LRRK1: variants seen among roughly 807,000 people sequenced by gnomAD.
The protein encoded by LRRK1 is leucine rich repeat kinase 1.
Under a neutral mutation model 209.1 loss-of-function variants are expected in LRRK1, and 113 were observed. The ratio of observed to expected loss-of-function variants is 0.54; its 90% confidence interval spans 0.46 to 0.63. The LOEUF is 0.63. Ranked by LOEUF, LRRK1 falls within the 30% of genes least tolerant of loss-of-function variation. The probability of loss-of-function intolerance (pLI) is 0.00; values close to 1 mark genes in which losing one functional copy is unlikely to be tolerated. For missense variants in LRRK1, 2,284 were observed against 2,632.2 expected, an observed-to-expected ratio of 0.87 and a Z score of 2.89; for synonymous variants, 1,144 against 1,099.7, an observed-to-expected ratio of 1.04 and a Z score of -0.80.
intron 2 of LRRK1, among the ~76,000 whole-genome samples, chr15:100,970,883 C>T (rs2141648833): frequency 6.6e-6 from 1 of 152,222 alleles, no homozygotes; most frequent in Non-Finnish European, 1.5e-5. Flanking sequence ...TTTCAGCGTA[C>T]AGATCTTGCC....
At chr15:100,940,217 C>G (rs2042375483) in intron 2 of LRRK1, among the ~76,000 whole-genome samples, 1 of 152,170 alleles carries the variant, frequency 6.6e-6, no homozygotes, top group Non-Finnish European at 1.5e-5. Context: ...CTCTCTCTCT[C>G]TCTCATTTTG....
intron 4 of LRRK1, among the ~76,000 whole-genome samples, chr15:100,984,936 G>A (rs1375077112): frequency 2.0e-5 from 3 of 152,100 alleles, no homozygotes; most frequent in African/African-American, 4.8e-5. Flanking sequence ...GTCACCCAGG[G>A]CCCTGCACCT....
chr15:101,059,430 G>C (rs150106699), intron 29 of LRRK1, among the ~76,000 whole-genome samples: 2 of 152,206 alleles, frequency 1.3e-5, no homozygotes, highest in East Asian at 1.9e-4. Flanking sequence ...AAAACACAGC[G>C]ATGGAGCACG....
intron 11 of LRRK1, among the ~76,000 whole-genome samples, chr15:101,014,876 C>T (rs2033454313): frequency 6.6e-6 from 1 of 152,230 alleles, no homozygotes; most frequent in Non-Finnish European, 1.5e-5. Context: ...GAAACAGCCC[C>T]TAATGGTGTC....
chr15:100,973,343 C>T (rs1294432808), intron 2 of LRRK1, among the ~76,000 whole-genome samples: 1 of 152,230 alleles, frequency 6.6e-6, no homozygotes, highest in Non-Finnish European at 1.5e-5. Context: ...ATCCCACGCC[C>T]TTCGTGGGGT....
At chr15:100,957,291 A>G (rs8037913) in intron 2 of LRRK1, among the ~76,000 whole-genome samples, 79,696 of 152,124 alleles carry the variant, frequency 0.52, 21,511 homozygotes, top group South Asian at 0.62. Flanking sequence ...ATTGTTCTGC[A>G]TATGTCTGTT....
At chr15:100,998,285 G>A (rs1015776398) in intron 6 of LRRK1, among the ~76,000 whole-genome samples, 2 of 151,420 alleles carry the variant, frequency 1.3e-5, no homozygotes, top group South Asian at 2.1e-4. Context: ...AGGAAAAAGC[G>A]AGCCTGCCTC....
At chr15:100,949,536 G>GT (rs1299384347) in intron 2 of LRRK1, among the ~76,000 whole-genome samples, 2 of 152,100 alleles carry the variant, frequency 1.3e-5, no homozygotes, top group African/African-American at 2.4e-5. Flanking sequence ...TATGAAACCA[G>GT]TATTACCCTG....
At chr15:101,010,109 A>G (rs1056619395) in intron 7 of LRRK1, among the ~76,000 whole-genome samples, 2 of 152,230 alleles carry the variant, frequency 1.3e-5, no homozygotes, top group Admixed American at 1.3e-4. Context: ...CACCTGGGCC[A>G]GATGGACAGG....
intron 2 of LRRK1, among the ~76,000 whole-genome samples, chr15:100,937,530 A>G (rs2042322845): frequency 1.5e-5 from 2 of 130,330 alleles, no homozygotes; most frequent in South Asian, 2.3e-4. Context: ...TTTATTTATT[A>G]TTTTATTTTA....
chr15:101,072,741 C>G lies in LRRK1; in HGVS notation c.*3893C>G, dbSNP rs528375266. ...CCCACTGAGCACGTTGCCACCCCCACTCCTGCCCGCCAGAGAACAAACCCC... is the reference window on the plus strand; with the variant it reads ...CCCACTGAGCACGTTGCCACCCCCAGTCCTGCCCGCCAGAGAACAAACCCC... On this transcript the variant is annotated 3_prime_UTR_variant, in exon 34 of 34. Transcript: ENST00000388948. The G allele has an allele frequency of 6.6e-6, 1 of 152,296 alleles. No individual in the cohort carries two copies. Among genetic ancestry groups the G allele is most frequent in the Non-Finnish European group, 1.5e-5 (1 of 68,140 alleles). The allele number at this position is 152,296 out of a possible 1,614,324, so 9.4% of individuals were successfully genotyped here.
chr15:101,049,805 A>C (rs2035298812), intron 23 of LRRK1, 22 bp downstream of exon 23: 1 of 1,606,652 alleles, frequency 6.2e-7, no homozygotes, highest in South Asian at 1.1e-5. Context: ...TGCTAGAAGC[A>C]AGCCCTCATT....
At chr15:100,943,891 TG>T (rs2042490153) in intron 2 of LRRK1, among the ~76,000 whole-genome samples, 1 of 152,188 alleles carries the variant, frequency 6.6e-6, no homozygotes, top group South Asian at 2.1e-4. Flanking sequence ...TTAGTCAGGC[TG>T]GTCTCGAACT....
At chr15:100,951,549 T>C (rs1258365940) in intron 2 of LRRK1, among the ~76,000 whole-genome samples, 1 of 152,108 alleles carries the variant, frequency 6.6e-6, no homozygotes. Context: ...CAAGCTCCCA[T>C]CAGCTGATGA....
chr15:101,051,724 A>C lies in LRRK1; in HGVS notation c.3453A>C (p.Thr1151=), dbSNP rs200982447. ...GTCCTTATTTAGCCCTGACAGCCAC[A>C]GAGAGCGACGGGACGCCACTCATGG... ...IDQWFPALTA[T]ESDGTPLMEQ... is the part of the protein sequence containing the mutation. Residue 1151 remains threonine, a synonymous_variant, in exon 24 of 34, where the codon ACA becomes ACC. Coordinates refer to ENST00000388948, the MANE Select transcript of LRRK1 (RefSeq NM_024652.6). 8.5e-4 allele frequency: 1,375 copies of C among 1,613,796 alleles called. 11 individuals carry two copies. In the African/African-American group the frequency reaches 0.016, roughly 19 times the overall value.
At chr15:100,996,430 G>A (rs1005923724) in intron 6 of LRRK1, among the ~76,000 whole-genome samples, 1 of 152,238 alleles carries the variant, frequency 6.6e-6, no homozygotes, top group Non-Finnish European at 1.5e-5. Flanking sequence ...AACAGAAGAG[G>A]AGGCCCTTTT....
At chr15:100,984,252 C>T (rs2031753494) in intron 4 of LRRK1, among the ~76,000 whole-genome samples, 1 of 152,202 alleles carries the variant, frequency 6.6e-6, no homozygotes, top group South Asian at 2.1e-4. Flanking sequence ...ATGGTTTTCC[C>T]TATAACTCTG....
intron 27 of LRRK1, among the ~76,000 whole-genome samples, chr15:101,055,475 G>A (rs8041944): frequency 0.38 from 58,133 of 151,962 alleles, 11,613 homozygotes; most frequent in Non-Finnish European, 0.45. Context: ...CAGTAACATT[G>A]TAGAGGCTGT....
rs1367069930 is a variant in LRRK1, at chr15:101,075,060, C to T, written c.*6212C>T. ...AAGCCCCCTAGACCATCACGGACGCCGAGCTGCCAGTAACTCTCACAGTGG... is the reference window on the plus strand; with the variant it reads ...AAGCCCCCTAGACCATCACGGACGCTGAGCTGCCAGTAACTCTCACAGTGG... On this transcript the variant is annotated 3_prime_UTR_variant, in exon 34 of 34. Coordinates refer to ENST00000388948, the MANE Select transcript of LRRK1 (RefSeq NM_024652.6). 2 of 85,344 alleles carry T rather than the reference C, an allele frequency of 2.3e-5. No homozygotes were observed. The highest frequency in any genetic ancestry group is 4.6e-5 in the African/African-American group (1 of 21,522). The allele number at this position is 85,344 out of a possible 1,614,324, so 5.3% of individuals were successfully genotyped here.
Sources: gnomAD v4.1 joint callset for allele counts (sites outside exome capture counted in the v4.1 genomes callset) on GRCh38, gnomAD v4.1.1 for gene constraint, MANE v1.5 for transcripts, NCBI Gene and HGNC (gene_info 2026-07-23, HGNC 2026-07-21) for gene names.